Variants in PRPF6 observed in about 807,000 individuals in gnomAD.
PRPF6 encodes the protein pre-mRNA processing factor 6.
Under a neutral mutation model 118.3 loss-of-function variants are expected in PRPF6, and 42 were observed. The observed-to-expected ratio is 0.35, with a 90% CI of 0.28 to 0.46. The LOEUF is 0.46. Ranked by LOEUF, PRPF6 falls within the 20% of genes least tolerant of loss-of-function variation. PRPF6 has a pLI of 1.00. For synonymous variants in PRPF6, 481 were observed against 485.1 expected, an observed-to-expected ratio of 0.99 and a Z score of 0.11; for missense variants, 662 against 1,255.7, an observed-to-expected ratio of 0.53 and a Z score of 7.15.
Position 64,011,347 on chromosome 20 carries a change from G to A in PRPF6, c.1368G>A (p.Ala456=), listed in dbSNP as rs139828718. 157 of 1,614,194 alleles carry A rather than the reference G, an allele frequency of 9.7e-5. 5 individuals carry two copies. In the South Asian group the frequency reaches 1.4e-3, roughly 14 times the overall value. The change falls in exon 11 of 21, where the codon GCG becomes GCA. Residue 456 remains alanine, a synonymous_variant. Transcript: ENST00000266079. This position sits in a 1 kb window ranked among gnomAD's most constrained non-coding sequence, Gnocchi z 6.7. ...ATGCCCGCAAGGTCTTGAACAAGGC[G>A]CGGGAGAACATTCCTACAGACCGAC... ...YENARKVLNK[A]RENIPTDRHI...
chr20:64,008,157 C>T (rs1051604169), intron 9 of PRPF6, among the ~76,000 whole-genome samples: 5 of 152,230 alleles, frequency 3.3e-5, no homozygotes, highest in African/African-American at 1.2e-4. Flanking sequence ...CCTGCACGGG[C>T]ACATGCATGC....
chr20:63,998,900 G>A (rs2059153533), intron 6 of PRPF6, 145 bp from the exon 7 acceptor site: 2 of 660,868 alleles, frequency 3.0e-6, no homozygotes, highest in South Asian at 3.1e-5. Context: ...TTATCACAAG[G>A]TGTTGTCTGA....
intron 6 of PRPF6, 142 bp from the exon 7 acceptor site, chr20:63,998,903 T>C (rs986299216): frequency 9.0e-6 from 6 of 664,034 alleles, no homozygotes; most frequent in Non-Finnish European, 1.7e-5. Context: ...TCACAAGGTG[T>C]TGTCTGAGTG....
chr20:64,031,694 AC>A (rs369530690), intron 19 of PRPF6, among the ~76,000 whole-genome samples: 61 of 148,930 alleles, frequency 4.1e-4, no homozygotes, highest in South Asian at 2.1e-3. Context: ...AAAAAAAACA[AC>A]AAAAAAAAAC....
At position 64,029,092 on chromosome 20, in the gene PRPF6, G is replaced by C. The variant is rs191631579; in HGVS notation, c.2432-285G>C. Among the ~76,000 whole-genome samples, 1 of 152,174 alleles carries C rather than the reference G, an allele frequency of 6.6e-6. No homozygotes were observed. Among genetic ancestry groups the C allele is most frequent in the South Asian group, 2.1e-4 (1 of 4,834 alleles). The stretch of plus-strand genomic sequence containing the variant: ...TGAGGCAGGAGAATTGCTTGAGCCC[G>C]GGAGTGGGAGGTTGCAGTGAGCTGA... On this transcript the variant is annotated intron_variant, in intron 18 of 20. Transcript: ENST00000266079. The surrounding 1 kb of genome is among the most constrained non-coding windows in gnomAD (Gnocchi z 4.8).
Position 64,029,005 on chromosome 20 carries a change from T to A in PRPF6, c.2432-372T>A, listed in dbSNP as rs1183175587. On this transcript the variant is annotated intron_variant, in intron 18 of 20. Coordinates refer to ENST00000266079, the MANE Select transcript of PRPF6 (RefSeq NM_012469.4). The surrounding 1 kb of genome is among the most constrained non-coding windows in gnomAD (Gnocchi z 4.8). ...CAACATGGTGAAACCCCGTCTCTAC[T>A]AAAATACAAAAATGAGCTGGGCATG... is the stretch of plus-strand genomic sequence containing the variant. Among the ~76,000 whole-genome samples, 4 of 152,040 alleles carry A rather than the reference T, an allele frequency of 2.6e-5. No individual in the cohort carries two copies. Among genetic ancestry groups the A allele is most frequent in the Admixed American group, 6.5e-5 (1 of 15,270 alleles).
At chr20:64,002,867 C>A (rs1239256955) in intron 9 of PRPF6, among the ~76,000 whole-genome samples, 1 of 151,466 alleles carries the variant, frequency 6.6e-6, no homozygotes, top group African/African-American at 2.4e-5. Context: ...TGGTCTTGAA[C>A]TTCTCACCTC....
intron 12 of PRPF6, among the ~76,000 whole-genome samples, chr20:64,022,255 A>G (rs1481885120): frequency 6.6e-6 from 1 of 152,194 alleles, no homozygotes; most frequent in Non-Finnish European, 1.5e-5. Flanking sequence ...AGTAAGAACT[A>G]CAGTGTTTTC....
chr20:64,016,561 T>C (rs528969717), intron 11 of PRPF6, among the ~76,000 whole-genome samples, 162 bp from the exon 12 acceptor site: 1 of 152,362 alleles, frequency 6.6e-6, no homozygotes, highest in African/African-American at 2.4e-5. Context: ...TTTTTTCTGA[T>C]TGGCGTGCAG....
Position 63,981,182 on chromosome 20 carries a change from C to T in PRPF6, c.-64C>T, listed in dbSNP as rs925081542. 6.6e-6 allele frequency: 10 copies of T among 1,517,580 alleles called. No individual in the cohort carries two copies. In the Admixed American group the frequency reaches 1.5e-4, roughly 23 times the overall value. The allele number at this position is 1,517,580 out of a possible 1,614,324, so 94.0% of individuals were successfully genotyped here. ...CATCGGACGTCGAAGCCTAGAGTCTCTGCGTCTTTCCCTCTTCCGCTGCCT... is the reference window on the plus strand; with the variant it reads ...CATCGGACGTCGAAGCCTAGAGTCTTTGCGTCTTTCCCTCTTCCGCTGCCT... On this transcript the variant is annotated 5_prime_UTR_variant, in exon 1 of 21. Coordinates refer to ENST00000266079, the MANE Select transcript of PRPF6 (RefSeq NM_012469.4).
intron 19 of PRPF6, among the ~76,000 whole-genome samples, chr20:64,031,069 T>C (rs2059311864): frequency 6.6e-6 from 1 of 152,234 alleles, no homozygotes; most frequent in South Asian, 2.1e-4. Context: ...CATGGACCTC[T>C]TCGGGCCCGG....
intron 19 of PRPF6, among the ~76,000 whole-genome samples, chr20:64,031,465 G>A (rs1045359489): frequency 2.0e-5 from 3 of 152,064 alleles, no homozygotes; most frequent in African/African-American, 7.2e-5. Context: ...ATGAGGTCAG[G>A]AGTTTGAGAC....
chr20:63,983,726 C>T (rs1414588943), intron 2 of PRPF6, among the ~76,000 whole-genome samples: 1 of 149,796 alleles, frequency 6.7e-6, no homozygotes, highest in African/African-American at 2.5e-5. Context: ...GTGATCTCAG[C>T]TCACTGTGAC....
chr20:64,029,399 C>A lies in PRPF6; in HGVS notation c.2454C>A (p.Ile818=). ...TAGGTATCCTGTGGTCTGAGGCCATCTTCCTCGAGGCAAGGCCCCAGAGGA... is the reference window on the plus strand; with the variant it reads ...TAGGTATCCTGTGGTCTGAGGCCATATTCCTCGAGGCAAGGCCCCAGAGGA... ...PNSGILWSEA[I]FLEARPQRRT... is the part of the protein sequence containing the mutation. Residue 818 remains isoleucine (I), a synonymous_variant, in exon 19 of 21, where the codon ATC becomes ATA. Transcript: ENST00000266079. The surrounding 1 kb of genome is among the most constrained non-coding windows in gnomAD (Gnocchi z 4.8). The A allele has an allele frequency of 6.2e-7, 1 of 1,614,200 alleles. No homozygotes were observed. Among genetic ancestry groups the A allele is most frequent in the Non-Finnish European group, 8.5e-7 (1 of 1,180,030 alleles).
intron 9 of PRPF6, among the ~76,000 whole-genome samples, chr20:64,002,058 G>A (rs1222759949): frequency 1.8e-5 from 2 of 108,770 alleles, no homozygotes; most frequent in African/African-American, 3.6e-5. Flanking sequence ...TCGCCCTGTC[G>A]CCCAGGCTGG....
rs767031818 is a variant in PRPF6 at position 64,001,189 on chromosome 20, C to G, written c.1136C>G (p.Ala379Gly). 1.1e-5 allele frequency: 18 copies of G among 1,614,134 alleles called. No individual in the cohort carries two copies. The highest frequency in any genetic ancestry group is 1.5e-5 in the Non-Finnish European group (18 of 1,180,046). ...LPQSVRIYIR[A>G]AELETDIRAK... Reference sequence around the variant, plus strand: ...CAGTCTGTCAGGATTTACATCAGAGCCGCAGAGCTGGAAACGGACATTCGT... The same window carrying G: ...CAGTCTGTCAGGATTTACATCAGAGGCGCAGAGCTGGAAACGGACATTCGT... Residue 379 changes from alanine (A) to glycine (G), a missense_variant, in exon 9 of 21, where the codon GCC (alanine) becomes GGC (glycine). This residue lies in a region of PRPF6 where 189 missense variants were observed against 323.5 expected (regional missense o/e 0.58). Transcript: ENST00000266079.
chr20:64,001,164 C>G lies in PRPF6; in HGVS notation c.1111C>G (p.Gln371Glu), dbSNP rs1194051177. 1 of 1,614,244 alleles carries G rather than the reference C, an allele frequency of 6.2e-7. No homozygotes were observed. Among genetic ancestry groups the G allele is most frequent in the Admixed American group, 1.7e-5 (1 of 60,018 alleles). ...AGCCCAAGCTGTCCGTCATCTCCCA[C>G]AGTCTGTCAGGATTTACATCAGAGC... ...VVAQAVRHLPQSVRIYIRAAE... is the reference protein window; with the variant it reads ...VVAQAVRHLPESVRIYIRAAE... Residue 371 changes from glutamine to glutamate, a missense_variant, in exon 9 of 21, where the codon CAG becomes GAG. Physicochemically the swap from Gln to Glu is conservative, Grantham distance 29. This residue lies in a region of PRPF6 where 189 missense variants were observed against 323.5 expected (regional missense o/e 0.58). Transcript: ENST00000266079.
chr20:64,024,816 G>C (rs1333494937), intron 14 of PRPF6, 123 bp downstream of exon 14: 1 of 1,406,596 alleles, frequency 7.1e-7, no homozygotes, highest in East Asian at 2.5e-5. Flanking sequence ...GTGCACTGGA[G>C]TCCAGGGGCT....
intron 3 of PRPF6, among the ~76,000 whole-genome samples, chr20:63,991,681 T>C (rs1448865258): frequency 1.3e-5 from 2 of 151,658 alleles, no homozygotes; most frequent in Non-Finnish European, 2.9e-5. Context: ...TCCCAGCTAC[T>C]CAGGAGGCTG....
Sources: allele counts gnomAD v4.1 joint callset (sites outside exome capture counted in the v4.1 genomes callset), GRCh38; gene constraint gnomAD v4.1.1; regional missense constraint gnomAD v4.1.1; non-coding constraint Gnocchi (gnomAD v3.1); transcripts MANE v1.5; gene names NCBI Gene and HGNC (gene_info 2026-07-23, HGNC 2026-07-21).